Variants in KHNYN observed in about 807,000 individuals in gnomAD.
KHNYN encodes the protein protein KHNYN.
A neutral mutation model predicts 62.7 loss-of-function variants in KHNYN; 42 were observed. The observed-to-expected ratio is 0.67, with a 90% CI of 0.52 to 0.87. The LOEUF (loss-of-function observed/expected upper bound fraction) is 0.87, where lower values mean the gene tolerates loss of function less well. Among genes scored for constraint, KHNYN ranks in the 40% least tolerant of loss-of-function variants. The probability of loss-of-function intolerance (pLI) is 0.00; values close to 1 mark genes in which losing one functional copy is unlikely to be tolerated. For missense variants in KHNYN, 829 were observed against 874.1 expected, an observed-to-expected ratio of 0.95 and a Z score of 0.65; for synonymous variants, 347 against 345.6, an observed-to-expected ratio of 1.00 and a Z score of -0.04.
chr14:24,440,111 C>T lies in KHNYN; in HGVS notation c.*2826C>T. ...GGCTACAATTTCCTTTAAGGCAGCCCCTAGCTCTGGGAAGGAATACTGGTA... is the reference window on the plus strand; with the variant it reads ...GGCTACAATTTCCTTTAAGGCAGCCTCTAGCTCTGGGAAGGAATACTGGTA... On this transcript the variant is annotated 3_prime_UTR_variant, in exon 8 of 8. Transcript: ENST00000553935. 6.2e-7 allele frequency: 1 copy of T among 1,609,296 alleles called. No homozygotes were observed. The highest frequency in any genetic ancestry group is 1.3e-5 in the African/African-American group (1 of 74,976).
At chr14:24,428,761 G>A (rs767729762), upstream of KHNYN, 4 of 1,587,118 alleles carry the variant, frequency 2.5e-6, no homozygotes, top group Admixed American at 1.7e-5. Context: ...TTACCTGGTC[G>A]AAGTAGATGG....
In KHNYN at chr14:24,440,058, G is replaced by A. The variant is rs772664840; in HGVS notation, c.*2773G>A. ...TAACCTGGAAGCCTGTGAGGAACAG[G>A]CCTCAGGCCCTTGCCACGACCTACT... On this transcript the variant is annotated 3_prime_UTR_variant, in exon 8 of 8. Coordinates refer to ENST00000553935, the MANE Select transcript of KHNYN (RefSeq NM_015299.3). 10 of 1,558,530 alleles carry A rather than the reference G, an allele frequency of 6.4e-6. No individual in the cohort carries two copies. In the African/African-American group the frequency reaches 6.8e-5, roughly 11 times the overall value.
Position 24,430,840 on chromosome 14 carries a change from TG to T in KHNYN, c.115del (p.Val39Ter). The T allele has an allele frequency of 1.2e-6, 2 of 1,613,540 alleles. No homozygotes were observed. Among genetic ancestry groups the T allele is most frequent in the Non-Finnish European group, 1.7e-6 (2 of 1,179,800 alleles). On this transcript the variant is annotated frameshift_variant, in exon 2 of 8. Transcript: ENST00000553935. LOFTEE classifies it high-confidence loss of function. ...QQPHVERIFSVGVSVLPKDCP... is the reference protein window; with the variant it reads ...QQPHVERIFSXGVSVLPKDCP... ...CCCCATGTGGAGCGCATCTTCAGCG[TG>T]GGGGTGAGCGTCCTTCCGAAGGACT...
rs2043281882 is a variant in KHNYN at position 24,440,227 on chromosome 14, GC to G, written c.*2943del. ...GCCCAAAGACAGCTTGCACCACAGC[GC>G]TGGGGAGAGGGATGAAGGCTCGGCG... On this transcript the variant is annotated 3_prime_UTR_variant, in exon 8 of 8. Transcript: ENST00000553935. 1.2e-6 allele frequency: 2 copies of G among 1,613,842 alleles called. No homozygotes were observed. The highest frequency in any genetic ancestry group is 8.5e-7 in the Non-Finnish European group (1 of 1,179,826).
upstream of KHNYN, chr14:24,428,991 G>C (rs1398033777): frequency 1.3e-6 from 2 of 1,550,388 alleles, no homozygotes. Context: ...AGAAGCACCA[G>C]AACCAAGGGC....
intron 1 of KHNYN, 110 bp from the exon 2 acceptor site, chr14:24,430,604 T>C (rs2043089032): frequency 6.2e-6 from 9 of 1,462,132 alleles, no homozygotes; most frequent in Non-Finnish European, 8.2e-6. Context: ...CCTGGGGCTG[T>C]TTACCAGAGC....
chr14:24,425,447 T>C (rs1193936678), upstream of KHNYN, among the ~76,000 whole-genome samples: 1 of 152,166 alleles, frequency 6.6e-6, no homozygotes, highest in Non-Finnish European at 1.5e-5. Context: ...TCTTCCTTCC[T>C]CCTTCCTGTT....
At chr14:24,431,150 G>A (rs2043104643) in intron 2 of KHNYN, among the ~76,000 whole-genome samples, 1 of 152,178 alleles carries the variant, frequency 6.6e-6, no homozygotes, top group African/African-American at 2.4e-5. Flanking sequence ...TGATGGCCCA[G>A]GCTGGCAAAA....
chr14:24,429,727 C>G (rs2043068917), upstream of KHNYN: 1 of 985,328 alleles, frequency 1.0e-6, no homozygotes, highest in African/African-American at 1.7e-5. Context: ...ACGCATGGTT[C>G]CCCTTTCCGA....
chr14:24,428,034 G>C (rs770670571), upstream of KHNYN: 22 of 1,567,648 alleles, frequency 1.4e-5, no homozygotes, highest in Non-Finnish European at 1.6e-5. Context: ...CCTTAGCTCA[G>C]GACCCCCCAC....
At position 24,437,013 on chromosome 14, in the gene KHNYN, C is replaced by G; in HGVS notation, c.1788-23C>G. On this transcript the variant is annotated intron_variant, in intron 7 of 7. Coordinates refer to ENST00000553935, the MANE Select transcript of KHNYN (RefSeq NM_015299.3). The surrounding 1 kb of genome is among the most constrained non-coding windows in gnomAD (Gnocchi z 5.5). ...TTCCCCCCCAGGATGCTCATCAGCT[C>G]TTTTTGGTCTGTTTCTTCCCAGGAC... 6.2e-7 allele frequency: 1 copy of G among 1,602,468 alleles called. No homozygotes were observed. Among genetic ancestry groups the G allele is most frequent in the Non-Finnish European group, 8.5e-7 (1 of 1,171,964 alleles).
At position 24,438,670 on chromosome 14, in the gene KHNYN, C is replaced by T. The variant is rs79880752; in HGVS notation, c.*1385C>T. ...TGTGTAGACGGTATTAATCAGTACTCCTTACTTTAGTGCAGCCTAAAGTAT... is the reference window on the plus strand; with the variant it reads ...TGTGTAGACGGTATTAATCAGTACTTCTTACTTTAGTGCAGCCTAAAGTAT... On this transcript the variant is annotated 3_prime_UTR_variant, in exon 8 of 8. Transcript: ENST00000553935. 1 of 152,002 alleles carries T rather than the reference C, an allele frequency of 6.6e-6. No homozygotes were observed. Among genetic ancestry groups the T allele is most frequent in the African/African-American group, 2.4e-5 (1 of 41,348 alleles). 9.4% of individuals were successfully genotyped at this position (152,002 alleles called of 1,614,324 possible).
Position 24,441,385 on chromosome 14 carries a change from A to G in KHNYN, c.*4100A>G. On this transcript the variant is annotated 3_prime_UTR_variant, in exon 8 of 8. Transcript: ENST00000553935. ...AATTGTTTGCAATTACTTGGTCCCA[A>G]AGGTGACCAGGAACTCTGTTCCTAA... 2.1e-6 allele frequency: 1 copy of G among 479,064 alleles called. No individual in the cohort carries two copies. The highest frequency in any genetic ancestry group is 2.8e-5 in the South Asian group (1 of 36,010). 29.7% of individuals were successfully genotyped at this position (479,064 alleles called of 1,614,324 possible).
At chr14:24,428,407 T>TG (rs773201159), upstream of KHNYN, 1 of 1,613,464 alleles carries the variant, frequency 6.2e-7, no homozygotes, top group Non-Finnish European at 8.5e-7. Flanking sequence ...CACCAGGACC[T>TG]GGGGGAAGCA....
upstream of KHNYN, chr14:24,428,240 C>G: frequency 6.2e-7 from 1 of 1,606,318 alleles, no homozygotes; most frequent in South Asian, 1.1e-5. Context: ...CTTCTTCCCC[C>G]TCCCCACCCT....
upstream of KHNYN, among the ~76,000 whole-genome samples, chr14:24,424,360 T>A (rs2043001022): frequency 6.6e-6 from 1 of 152,222 alleles, no homozygotes; most frequent in Non-Finnish European, 1.5e-5. Flanking sequence ...TCATGGGAAA[T>A]TTTCAAGCCC....
chr14:24,435,149 A>G (rs1034490922), intron 5 of KHNYN, among the ~76,000 whole-genome samples: 25 of 152,230 alleles, frequency 1.6e-4, no homozygotes, highest in African/African-American at 6.0e-4. Flanking sequence ...TCCCTTGGTA[A>G]TTCTGTTCCT....
chr14:24,427,723 T>G (rs758112861), upstream of KHNYN: 565 of 1,468,074 alleles, frequency 3.8e-4, no homozygotes, highest in Non-Finnish European at 4.4e-4. The surrounding 1 kb of genome is among the most constrained non-coding windows in gnomAD (Gnocchi z 4.4). Flanking sequence ...CTGCTGTTTC[T>G]GGGGCAAGAG....
At position 24,439,319 on chromosome 14, in the gene KHNYN, G is replaced by A. The variant is rs2043256177; in HGVS notation, c.*2034G>A. The A allele has an allele frequency of 6.6e-6, 1 of 152,178 alleles. No homozygotes were observed. The highest frequency in any genetic ancestry group is 1.5e-5 in the Non-Finnish European group (1 of 68,046). 9.4% of individuals were successfully genotyped at this position (152,178 alleles called of 1,614,324 possible). A position where few individuals can be genotyped will look rare whatever the true frequency, so the allele number is the denominator to read the frequency against. On this transcript the variant is annotated 3_prime_UTR_variant, in exon 8 of 8. Coordinates refer to ENST00000553935, the MANE Select transcript of KHNYN (RefSeq NM_015299.3). ...TGTGCTAAGGGCCCTGGTTGACTGA[G>A]TGGCCCCAGTCAGATGAGAGGCAAG...
Sources: allele counts gnomAD v4.1 joint callset (sites outside exome capture counted in the v4.1 genomes callset), GRCh38; gene constraint gnomAD v4.1.1; non-coding constraint Gnocchi (gnomAD v3.1); transcripts MANE v1.5; gene names NCBI Gene and HGNC (gene_info 2026-07-23, HGNC 2026-07-21).